The following NOTCH1 variants were observed in gnomAD, a reference collection of about 807,000 sequenced individuals.
NOTCH1 encodes the protein neurogenic locus notch homolog protein 1.
In NOTCH1, 37 loss-of-function variants were observed where a neutral mutation model predicts 254.8. That is an observed-to-expected ratio of 0.15 (90% CI 0.11 to 0.19). The LOEUF is 0.19. Ranked by LOEUF, NOTCH1 falls within the 10% of genes least tolerant of loss-of-function variation. NOTCH1 has a pLI of 1.00. For missense variants in NOTCH1, 2,972 were observed against 3,708.6 expected, an observed-to-expected ratio of 0.80 and a Z score of 5.16; for synonymous variants, 1,731 against 1,618.1, an observed-to-expected ratio of 1.07 and a Z score of -1.68.
rs988059037 is a variant in NOTCH1, at chr9:136,496,640, C to T, written c.7099G>A (p.Gly2367Ser). 6.2e-7 allele frequency: 1 copy of T among 1,613,092 alleles called. No individual in the cohort carries two copies. The highest frequency in any genetic ancestry group is 2.2e-5 in the East Asian group (1 of 44,884). The stretch of plus-strand genomic sequence containing the variant: ...GTGGCCAGCCGGGTGCTGGGCAGGC[C>T]CTGGTAGCTCATCATCTGGGACAGG... ...SALSQMMSYQ[G>S]LPSTRLATQP... Residue 2367 changes from glycine to serine, a missense_variant, in exon 34 of 34, where the codon GGC (glycine) becomes AGC (serine). Gly to Ser is a moderately conservative substitution (Grantham distance 56). This residue lies in a region of NOTCH1 where 529 missense variants were observed against 529.2 expected (regional missense o/e 1.00). Coordinates refer to ENST00000651671, the MANE Select transcript of NOTCH1 (RefSeq NM_017617.5).
At chr9:136,518,409 C>G in intron 6 of NOTCH1, 117 bp from the exon 7 acceptor site, 1 of 1,391,912 alleles carries the variant, frequency 7.2e-7, no homozygotes, top group Non-Finnish European at 9.8e-7. Flanking sequence ...GTGACCCCGT[C>G]GGGCATCCCG....
rs561126575 is a variant in NOTCH1, at chr9:136,514,609, C to T, written c.2108G>A (p.Arg703His). The T allele has an allele frequency of 8.4e-5, 135 of 1,609,276 alleles. No individual in the cohort carries two copies. In the Middle Eastern group the frequency reaches 1.2e-3, roughly 14 times the overall value. The change falls in exon 13 of 34, where the codon CGC (arginine) becomes CAC (histidine). Residue 703 changes from arginine to histidine, a missense_variant. By Grantham distance (29) the Arg-to-His change is conservative. Coordinates refer to ENST00000651671, the MANE Select transcript of NOTCH1 (RefSeq NM_017617.5). ...CEDGINGFTC[R>H]CPEGYHDPTC... Reference sequence around the variant, plus strand: ...GGGGTCGTGGTAGCCCTCGGGGCAGCGGCAGGTGAAGCCATTGATGCCGTC... The same window carrying T: ...GGGGTCGTGGTAGCCCTCGGGGCAGTGGCAGGTGAAGCCATTGATGCCGTC...
chr9:136,497,652 C>T (rs1437037856), intron 33 of NOTCH1, 94 bp from the exon 34 acceptor site: 3 of 1,119,830 alleles, frequency 2.7e-6, no homozygotes, highest in African/African-American at 3.1e-5. Context: ...GCAGTACAAC[C>T]TCCTCCGCGG....
Position 136,514,644 on chromosome 9 carries a change from GCCC to G in NOTCH1, c.2070_2072del (p.Gly691del), listed in dbSNP as rs1462614997. 1.9e-6 allele frequency: 3 copies of G among 1,612,544 alleles called. No individual in the cohort carries two copies. The highest frequency in any genetic ancestry group is 2.5e-6 in the Non-Finnish European group (3 of 1,179,882). The stretch of plus-strand genomic sequence containing the variant: ...AGCCATTGATGCCGTCCTCGCAGGT[GCCC>G]CCGTTGTGGCAGGGGTTGCCCGCAC... On this transcript the variant is annotated inframe_deletion, in exon 13 of 34. Transcript: ENST00000651671.
At chr9:136,499,034 G>A (rs1031581655) in intron 32 of NOTCH1, 38 bp from the exon 33 acceptor site, 19 of 1,612,636 alleles carry the variant, frequency 1.2e-5, no homozygotes, top group Non-Finnish European at 1.6e-5. Flanking sequence ...TTGGAGACCA[G>A]CTGGAGGCAA....
At chr9:136,519,751 C>G (rs1410241648) in intron 4 of NOTCH1, 186 bp from the exon 5 acceptor site, 1 of 767,604 alleles carries the variant, frequency 1.3e-6, no homozygotes, top group African/African-American at 1.7e-5. Context: ...TTGAAAGAAT[C>G]ATTTTGGACA....
In NOTCH1 at chr9:136,510,713, G is replaced by A. The variant is rs1466122700; in HGVS notation, c.2680C>T (p.His894Tyr). 6.2e-7 allele frequency: 1 copy of A among 1,609,234 alleles called. No individual in the cohort carries two copies. Among genetic ancestry groups the A allele is most frequent in the Non-Finnish European group, 8.5e-7 (1 of 1,179,574 alleles). Residue 894 changes from histidine (H) to tyrosine (Y), a missense_variant, in exon 17 of 34, where the codon CAC (histidine) becomes TAC (tyrosine). Coordinates refer to ENST00000651671, the MANE Select transcript of NOTCH1 (RefSeq NM_017617.5). ...CQNTHGGYRC[H>Y]CQAGYSGRNC... ...CGCCCACTGTAGCCGGCCTGGCAGTGGCAGCGGTAGCCGCCGTGGGTGTTC... is the reference window on the plus strand; with the variant it reads ...CGCCCACTGTAGCCGGCCTGGCAGTAGCAGCGGTAGCCGCCGTGGGTGTTC...
chr9:136,509,496 G>A (rs1016727761), intron 18 of NOTCH1, among the ~76,000 whole-genome samples: 9 of 152,196 alleles, frequency 5.9e-5, no homozygotes, highest in African/African-American at 9.6e-5. Context: ...AGAAGGAAGC[G>A]CACCAGTTCT....
Position 136,523,871 on chromosome 9 carries a change from T to C in NOTCH1, c.249A>G (p.Ala83=). The C allele has an allele frequency of 4.3e-6, 7 of 1,611,000 alleles. No homozygotes were observed. Among genetic ancestry groups the C allele is most frequent in the Non-Finnish European group, 5.9e-6 (7 of 1,179,336 alleles). The change falls in exon 3 of 34, where the codon GCA becomes GCG. Residue 83 remains alanine (A), a synonymous_variant. Transcript: ENST00000651671. ...TCHVVDRRGV[A]DYACSCALGF... The stretch of plus-strand genomic sequence containing the variant: ...CCAGGGCACAGCTGCAGGCATAGTC[T>C]GCCACGCCTCTGCGGTCCACCACGT...
intron 30 of NOTCH1, 58 bp from the exon 31 acceptor site, chr9:136,500,905 G>C (rs1842985273): frequency 6.6e-7 from 1 of 1,516,894 alleles, no homozygotes; most frequent in Non-Finnish European, 8.8e-7. Flanking sequence ...TGCAGCCCAG[G>C]GGGAGGGGGG....
rs777559313 is a variant in NOTCH1 at position 136,506,695 on chromosome 9, C to T, written c.3901+21G>A. 6.3e-7 allele frequency: 1 copy of T among 1,596,460 alleles called. No homozygotes were observed. The highest frequency in any genetic ancestry group is 1.7e-4 in the Middle Eastern group (1 of 5,924). On this transcript the variant is annotated intron_variant, in intron 23 of 33. Coordinates refer to ENST00000651671, the MANE Select transcript of NOTCH1 (RefSeq NM_017617.5). This position sits in a 1 kb window ranked among gnomAD's most constrained non-coding sequence, Gnocchi z 4.5. ...CACCCTGCTGCCCCACACGCCCCACCCGCCTGGGCGCGGCACCCACCGGTG... is the reference window on the plus strand; with the variant it reads ...CACCCTGCTGCCCCACACGCCCCACTCGCCTGGGCGCGGCACCCACCGGTG...
chr9:136,510,706 T>C lies in NOTCH1; in HGVS notation c.2687A>G (p.Gln896Arg). 1 of 1,609,880 alleles carries C rather than the reference T, an allele frequency of 6.2e-7. No individual in the cohort carries two copies. Among genetic ancestry groups the C allele is most frequent in the South Asian group, 1.1e-5 (1 of 91,066 alleles). Residue 896 changes from glutamine to arginine, a missense_variant, in exon 17 of 34, where the codon CAG becomes CGG. Physicochemically the swap from Gln to Arg is conservative, Grantham distance 43 (BLOSUM62 1). This residue lies in a region of NOTCH1 where 1,343 missense variants were observed against 1,557.0 expected (regional missense o/e 0.86). Transcript: ENST00000651671. ...NTHGGYRCHC[Q>R]AGYSGRNCET... ...GCAGTTGCGCCCACTGTAGCCGGCC[T>C]GGCAGTGGCAGCGGTAGCCGCCGTG... is the stretch of plus-strand genomic sequence containing the variant.
chr9:136,517,140 G>C, intron 9 of NOTCH1, 132 bp downstream of exon 9: 1 of 599,440 alleles, frequency 1.7e-6, no homozygotes, highest in Non-Finnish European at 2.9e-6. Flanking sequence ...GCAGGGGGTG[G>C]GGGCGGCCCT....
chr9:136,543,141 G>C (rs1218361549), intron 2 of NOTCH1: 1 of 159,440 alleles, frequency 6.3e-6, no homozygotes, highest in Non-Finnish European at 1.4e-5. Flanking sequence ...CCCAGCCTGA[G>C]GCCGGGAAGA....
intron 2 of NOTCH1, among the ~76,000 whole-genome samples, chr9:136,537,273 A>G (rs1443168773): frequency 6.6e-6 from 1 of 152,208 alleles, no homozygotes; most frequent in Non-Finnish European, 1.5e-5. Context: ...GGAGGCTAAA[A>G]TGTAGTCCTC....
rs746262173 is a variant in NOTCH1 at position 136,506,885 on chromosome 9, G to A, written c.3732C>T (p.Cys1244=). ...AGCTGTAGCCGCCCACCTGGTCCAC[G>A]CAGGTGCCGTTGTTAAAGCACTTGG... ...RSPKCFNNGT[C]VDQVGGYSCT... Residue 1244 remains cysteine (C), a synonymous_variant, in exon 23 of 34, where the codon TGC becomes TGT. Transcript: ENST00000651671. The surrounding 1 kb of genome is among the most constrained non-coding windows in gnomAD (Gnocchi z 4.5). 1.8e-5 allele frequency: 29 copies of A among 1,611,276 alleles called. No individual in the cohort carries two copies. Among genetic ancestry groups the A allele is most frequent in the East Asian group, 2.2e-5 (1 of 44,796 alleles).
At chr9:136,499,893 G>A (rs13301342) in intron 31 of NOTCH1, among the ~76,000 whole-genome samples, 17,171 of 152,288 alleles carry the variant, frequency 0.11, 1,097 homozygotes, top group South Asian at 0.24. Flanking sequence ...TTATTTCTGC[G>A]AGATGACAAT....
chr9:136,513,221 C>T lies in NOTCH1; in HGVS notation c.2354-87G>A, dbSNP rs1338245306. 7.7e-6 allele frequency: 11 copies of T among 1,436,662 alleles called. No individual in the cohort carries two copies. Among genetic ancestry groups the T allele is most frequent in the Non-Finnish European group, 9.8e-6 (10 of 1,024,666 alleles). The allele number at this position is 1,436,662 out of a possible 1,614,324, so 89.0% of individuals were successfully genotyped here. A position where few individuals can be genotyped will look rare whatever the true frequency, so the allele number is the denominator to read the frequency against. On this transcript the variant is annotated intron_variant, in intron 14 of 33. Coordinates refer to ENST00000651671, the MANE Select transcript of NOTCH1 (RefSeq NM_017617.5). This position sits in a 1 kb window ranked among gnomAD's most constrained non-coding sequence, Gnocchi z 4.7. ...ACAACAGCAGCCCTGGGCCTGCTCC[C>T]CACCCCAGGCCCCTCCTCATCTCCA...
At chr9:136,525,340 C>T (rs189787555) in intron 2 of NOTCH1, among the ~76,000 whole-genome samples, 24 of 152,234 alleles carry the variant, frequency 1.6e-4, no homozygotes, top group Non-Finnish European at 3.2e-4. Context: ...CCCCCCCAGC[C>T]ACCTGCTGTG....
Sources: gnomAD v4.1 joint callset for allele counts (sites outside exome capture counted in the v4.1 genomes callset) on GRCh38, gnomAD v4.1.1 for gene constraint, gnomAD v4.1.1 regional missense constraint, Gnocchi (gnomAD v3.1) non-coding constraint, MANE v1.5 for transcripts, NCBI Gene and HGNC (gene_info 2026-07-23, HGNC 2026-07-21) for gene names.